Variants in WDR7 observed in about 807,000 individuals in gnomAD.
WDR7 encodes WD repeat-containing protein 7.
In WDR7, 46 loss-of-function variants were observed where a neutral mutation model predicts 169.4. The ratio of observed to expected loss-of-function variants is 0.27; its 90% CI spans 0.21 to 0.35. WDR7 has a LOEUF of 0.35. Among genes scored for constraint, WDR7 ranks in the 10% least tolerant of loss-of-function variants. The pLI, the probability that WDR7 is intolerant of heterozygous loss-of-function variation, is 1.00. For missense variants in WDR7, 1,534 were observed against 1,859.3 expected, an observed-to-expected ratio of 0.83 and a Z score of 3.22; for synonymous variants, 612 against 666.8, an observed-to-expected ratio of 0.92 and a Z score of 1.27.
chr18:56,667,170 C>T (rs2025043258), intron 1 of WDR7, among the ~76,000 whole-genome samples: 2 of 152,152 alleles, frequency 1.3e-5, no homozygotes. Flanking sequence ...CACTATGCTT[C>T]CCTCCTACCT....
Position 56,935,854 on chromosome 18 carries a change from G to C in WDR7, c.3780G>C (p.Ser1260=). The change falls in exon 23 of 28, where the codon TCG becomes TCC. Residue 1260 remains serine, a synonymous_variant. Coordinates refer to ENST00000254442, the MANE Select transcript of WDR7 (RefSeq NM_015285.3). ...DSARSARHAL[S]LIATARPPAF... is the part of the protein sequence containing the mutation. ...CCCGCTCTGCGAGGCATGCCCTCTC[G>C]CTCATTGCCACCGCCAGACCACCCG... is the stretch of plus-strand genomic sequence containing the variant. 1 of 1,613,948 alleles carries C rather than the reference G, an allele frequency of 6.2e-7. No individual in the cohort carries two copies. Among genetic ancestry groups the C allele is most frequent in the Non-Finnish European group, 8.5e-7 (1 of 1,179,992 alleles).
intron 25 of WDR7, among the ~76,000 whole-genome samples, chr18:56,944,045 G>A (rs1416219731): frequency 8.7e-5 from 12 of 137,352 alleles, no homozygotes; most frequent in African/African-American, 3.3e-4. Context: ...CTGGAGTGCA[G>A]TGGCGCAATC....
At chr18:56,941,421 A>G (rs2145707474) in intron 25 of WDR7, among the ~76,000 whole-genome samples, 1 of 152,170 alleles carries the variant, frequency 6.6e-6, no homozygotes, top group Admixed American at 6.5e-5. Flanking sequence ...AGCTTCACAG[A>G]AGAGTTGATG....
At chr18:56,676,677 T>C (rs2025250518) in intron 2 of WDR7, among the ~76,000 whole-genome samples, 1 of 152,114 alleles carries the variant, frequency 6.6e-6, no homozygotes, top group African/African-American at 2.4e-5. Flanking sequence ...CTCTACACCT[T>C]AACTTCCCTT....
At chr18:57,007,151 T>C (rs1238142744) in intron 26 of WDR7, among the ~76,000 whole-genome samples, 1 of 152,108 alleles carries the variant, frequency 6.6e-6, no homozygotes, top group African/African-American at 2.4e-5. Flanking sequence ...AGCTAATTTT[T>C]TGTATTTTTA....
intron 21 of WDR7, among the ~76,000 whole-genome samples, chr18:56,882,781 AT>A (rs1225684992): frequency 6.6e-6 from 1 of 152,194 alleles, no homozygotes; most frequent in East Asian, 1.9e-4. Flanking sequence ...AGGGTTACCT[AT>A]TTTGAAGACC....
At chr18:56,665,514 G>A (rs1408025183) in intron 1 of WDR7, among the ~76,000 whole-genome samples, 1 of 151,696 alleles carries the variant, frequency 6.6e-6, no homozygotes, top group Admixed American at 6.6e-5. Flanking sequence ...TTTTTTGTAC[G>A]TTATCATTTC....
rs150231900 is a variant in WDR7 at position 56,731,512 on chromosome 18, G to A, written c.1904G>A (p.Arg635His). ...AVNLKQAMTR[R>H]SLAALKNMAH... ...AACCTAAAACAAGCTATGACGAGAC[G>A]TAGTCTTGCTGCTCTTAAAAATATG... The change falls in exon 14 of 28, where the codon CGT (arginine) becomes CAT (histidine). Residue 635 changes from arginine (R) to histidine (H), a missense_variant. Physicochemically the swap from Arg to His is conservative, Grantham distance 29 (BLOSUM62 0). Coordinates refer to ENST00000254442, the MANE Select transcript of WDR7 (RefSeq NM_015285.3). 12 of 1,614,000 alleles carry A rather than the reference G, an allele frequency of 7.4e-6. No homozygotes were observed. Among genetic ancestry groups the A allele is most frequent in the Admixed American group, 1.7e-5 (1 of 59,996 alleles).
intron 27 of WDR7, among the ~76,000 whole-genome samples, chr18:57,023,371 A>G (rs1020927167): frequency 1.3e-5 from 2 of 152,204 alleles, no homozygotes; most frequent in Non-Finnish European, 2.9e-5. Context: ...GAGCCTTACT[A>G]AAGCTATCAG....
chr18:56,678,520 G>A (rs1215473408), intron 2 of WDR7, among the ~76,000 whole-genome samples: 3 of 151,428 alleles, frequency 2.0e-5, no homozygotes, highest in Admixed American at 6.6e-5. Context: ...TTTTTGAGAC[G>A]GAGTCTCACT....
chr18:56,861,776 CAT>C (rs1235575930), intron 20 of WDR7, among the ~76,000 whole-genome samples: 1 of 152,106 alleles, frequency 6.6e-6, no homozygotes, highest in Admixed American at 6.6e-5. Flanking sequence ...AAATAAGTAT[CAT>C]AATATTGATC....
At chr18:56,703,597 T>A (rs999013755) in intron 12 of WDR7, among the ~76,000 whole-genome samples, 11 of 152,126 alleles carry the variant, frequency 7.2e-5, no homozygotes, top group African/African-American at 2.7e-4. Context: ...TCTCTTTGAT[T>A]TTGAGAACAT....
At chr18:57,006,120 T>A (rs764575751) in intron 26 of WDR7, among the ~76,000 whole-genome samples, 5 of 152,206 alleles carry the variant, frequency 3.3e-5, no homozygotes, top group Non-Finnish European at 7.3e-5. Flanking sequence ...AAAATTAGCA[T>A]GCATAGTATT....
intron 23 of WDR7, chr18:56,936,228 A>G (rs143633955): frequency 1.3e-5 from 3 of 223,558 alleles, no homozygotes; most frequent in East Asian, 2.0e-4. Flanking sequence ...CACTTTTCAC[A>G]TGTAAGTACC....
intron 1 of WDR7, among the ~76,000 whole-genome samples, chr18:56,666,260 A>T (rs1202429668): frequency 8.1e-6 from 1 of 124,104 alleles, no homozygotes; most frequent in Non-Finnish European, 1.6e-5. Flanking sequence ...CTGGAGTGCA[A>T]CGGCACAATC....
chr18:56,845,875 G>GA (rs552973937), intron 20 of WDR7, among the ~76,000 whole-genome samples: 143 of 152,208 alleles, frequency 9.4e-4, no homozygotes, highest in Non-Finnish European at 1.7e-3. Flanking sequence ...AAATTTGCTT[G>GA]AAAAAATGTT....
intron 19 of WDR7, among the ~76,000 whole-genome samples, chr18:56,799,656 T>C (rs560595944): frequency 1.3e-3 from 199 of 152,336 alleles, no homozygotes; most frequent in Middle Eastern, 3.4e-3. Context: ...TTAAATGTTA[T>C]GTGAAACATT....
intron 26 of WDR7, among the ~76,000 whole-genome samples, chr18:56,977,997 G>A (rs1333235132): frequency 6.6e-6 from 1 of 152,196 alleles, no homozygotes; most frequent in African/African-American, 2.4e-5. Context: ...TTTATTACTT[G>A]TAGACACGTA....
At chr18:56,985,822 A>T (rs2047708483) in intron 26 of WDR7, among the ~76,000 whole-genome samples, 1 of 152,124 alleles carries the variant, frequency 6.6e-6, no homozygotes, top group South Asian at 2.1e-4. Flanking sequence ...AGATCCTAAG[A>T]AACAGGCTTT....
Sources: gnomAD v4.1 joint callset for allele counts (sites outside exome capture counted in the v4.1 genomes callset) on GRCh38, gnomAD v4.1.1 for gene constraint, MANE v1.5 for transcripts, NCBI Gene and HGNC (gene_info 2026-07-23, HGNC 2026-07-21) for gene names.